SRRM4: variants seen among roughly 807,000 people sequenced by gnomAD.
SRRM4 encodes the protein serine/arginine repetitive matrix protein 4.
Under a neutral mutation model 68.9 loss-of-function variants are expected in SRRM4, and 33 were observed. The ratio of observed to expected loss-of-function variants is 0.48; its 90% CI spans 0.36 to 0.64. The LOEUF (loss-of-function observed/expected upper bound fraction) is 0.64. Ranked by LOEUF, SRRM4 falls within the 30% of genes least tolerant of loss-of-function variation. The pLI is 0.00. For synonymous variants in SRRM4, 318 were observed against 318.8 expected (o/e 1.00, Z 0.03); for missense variants, 817 against 827.1 (o/e 0.99, Z 0.15).
chr12:119,136,470 G>GTT (rs1555220714), intron 8 of SRRM4, among the ~76,000 whole-genome samples: 89 of 152,020 alleles, frequency 5.9e-4, no homozygotes, highest in African/African-American at 2.0e-3. Flanking sequence ...ATTGGTTTTT[G>GTT]TTTGTTTTGT....
intron 1 of SRRM4, among the ~76,000 whole-genome samples, chr12:119,070,647 A>G (rs1953872694): frequency 6.6e-6 from 1 of 152,202 alleles, no homozygotes; most frequent in Non-Finnish European, 1.5e-5. Context: ...GGTCACATAC[A>G]ATTGGTTGGT....
At chr12:119,006,232 C>T (rs1219768916) in intron 1 of SRRM4, among the ~76,000 whole-genome samples, 1 of 152,148 alleles carries the variant, frequency 6.6e-6, no homozygotes, top group Non-Finnish European at 1.5e-5. Context: ...GTCCCTTTTC[C>T]ATCTGCTCTC....
chr12:119,052,984 G>A (rs1011043318), intron 1 of SRRM4, among the ~76,000 whole-genome samples: 2 of 152,224 alleles, frequency 1.3e-5, no homozygotes, highest in Non-Finnish European at 2.9e-5. Flanking sequence ...TGGCTGCATA[G>A]AAGCAGAATG....
In SRRM4 at chr12:119,105,924, A is replaced by G. The variant is rs186019942; in HGVS notation, c.278+3542A>G. Among the ~76,000 whole-genome samples, 705 of 152,256 alleles carry G rather than the reference A, an allele frequency of 4.6e-3. 4 individuals are homozygous for G. Among genetic ancestry groups the G allele is most frequent in the Non-Finnish European group, 7.5e-3 (511 of 68,008 alleles). On this transcript the variant is annotated intron_variant, in intron 2 of 12. Coordinates refer to ENST00000267260, the MANE Select transcript of SRRM4 (RefSeq NM_194286.4). ...GCCTATGTCCTGAATGGTATTGCCT[A>G]GGTTTTTTATGGTTTTAAGTCTAAC...
intron 4 of SRRM4, among the ~76,000 whole-genome samples, chr12:119,119,747 C>T (rs568554757): frequency 3.8e-4 from 58 of 151,916 alleles, no homozygotes; most frequent in African/African-American, 1.0e-3. Flanking sequence ...ATGATGATGA[C>T]GGTGATGATG....
chr12:119,156,579 C>T lies in SRRM4; in HGVS notation c.1617C>T (p.Ser539=). The T allele has an allele frequency of 6.2e-7, 1 of 1,610,502 alleles. No individual in the cohort carries two copies. Among genetic ancestry groups the T allele is most frequent in the Non-Finnish European group, 8.5e-7 (1 of 1,179,648 alleles). The change falls in exon 13 of 13, where the codon AGC becomes AGT. Residue 539 remains serine (S), a synonymous_variant. Coordinates refer to ENST00000267260, the MANE Select transcript of SRRM4 (RefSeq NM_194286.4). ...SLSSTSSWYS[S]SSSRSASRSY... ...GCAGCACCTCCTCCTGGTACAGCAG[C>T]AGCAGTAGCCGCTCGGCCAGCCGCA...
intron 10 of SRRM4, among the ~76,000 whole-genome samples, 166 bp from the exon 11 acceptor site, chr12:119,153,373 C>CT: frequency 6.6e-6 from 1 of 151,860 alleles, no homozygotes; most frequent in Admixed American, 6.6e-5. Flanking sequence ...TATTAACCAC[C>CT]GGTGGGGAGG....
chr12:119,020,740 T>G (rs575085047), intron 1 of SRRM4, among the ~76,000 whole-genome samples: 17 of 152,240 alleles, frequency 1.1e-4, no homozygotes, highest in African/African-American at 4.1e-4. Flanking sequence ...CTTTCCGTGG[T>G]AATTACAAGA....
chr12:119,156,752 G>A lies in SRRM4; in HGVS notation c.1790G>A (p.Ser597Asn). The change falls in exon 13 of 13, where the codon AGC becomes AAC. Residue 597 changes from serine (S) to asparagine (N), a missense_variant. Ser to Asn is a conservative substitution (Grantham distance 46, BLOSUM62 1). Transcript: ENST00000267260. ...SRSRSRSRSQ[S>N]RSYSSADSYS... The stretch of plus-strand genomic sequence containing the variant: ...AGCCGGAGCCGGAGCAGGAGCCAGA[G>A]CCGGAGCTACAGCTCAGCAGACAGC... The A allele has an allele frequency of 1.3e-6, 2 of 1,545,794 alleles. No homozygotes were observed. Among genetic ancestry groups the A allele is most frequent in the East Asian group, 4.9e-5 (2 of 40,866 alleles).
At chr12:119,096,315 G>A (rs1287893471) in intron 1 of SRRM4, among the ~76,000 whole-genome samples, 1 of 151,562 alleles carries the variant, frequency 6.6e-6, no homozygotes, top group Admixed American at 6.6e-5. Flanking sequence ...TTACAGGTGT[G>A]AGCCACCACG....
intron 1 of SRRM4, among the ~76,000 whole-genome samples, chr12:119,044,478 G>A (rs1039452493): frequency 1.3e-5 from 2 of 152,120 alleles, no homozygotes; most frequent in Admixed American, 6.5e-5. Context: ...GGAGAATGGA[G>A]TCAGAAGCAG....
intron 1 of SRRM4, among the ~76,000 whole-genome samples, chr12:119,008,879 G>A (rs953777293): frequency 6.6e-6 from 1 of 151,912 alleles, no homozygotes; most frequent in African/African-American, 2.4e-5. Context: ...CTTGTTCCTA[G>A]GGCATCTGCT....
chr12:119,080,690 A>G (rs1371520684), intron 1 of SRRM4, among the ~76,000 whole-genome samples: 2 of 152,204 alleles, frequency 1.3e-5, no homozygotes, highest in Non-Finnish European at 2.9e-5. Context: ...CAGGACCTGA[A>G]CCAAAGTCAT....
chr12:118,985,728 T>C (rs1953278121), intron 1 of SRRM4, among the ~76,000 whole-genome samples: 1 of 152,228 alleles, frequency 6.6e-6, no homozygotes, highest in Non-Finnish European at 1.5e-5. Context: ...TTTAATTGCT[T>C]AGCCTAGAGA....
intron 1 of SRRM4, among the ~76,000 whole-genome samples, chr12:119,013,498 A>T (rs1019677435): frequency 6.6e-6 from 1 of 152,190 alleles, no homozygotes; most frequent in African/African-American, 2.4e-5. Flanking sequence ...AATTTCCTTC[A>T]TCTTAACTTT....
intron 1 of SRRM4, among the ~76,000 whole-genome samples, chr12:118,993,475 T>C (rs987230279): frequency 2.6e-5 from 4 of 152,134 alleles, no homozygotes; most frequent in African/African-American, 9.7e-5. Flanking sequence ...GCCCCCAAAA[T>C]TGAAAGGGGA....
intron 1 of SRRM4, among the ~76,000 whole-genome samples, chr12:119,013,420 T>G (rs1276025533): frequency 1.3e-5 from 2 of 152,206 alleles, no homozygotes; most frequent in African/African-American, 4.8e-5. Context: ...GTAAATGAGT[T>G]TTAATCATAA....
chr12:119,144,796 A>G (rs1342685544), intron 8 of SRRM4, among the ~76,000 whole-genome samples: 1 of 152,162 alleles, frequency 6.6e-6, no homozygotes, highest in African/African-American at 2.4e-5. Context: ...AAAAACAAAA[A>G]ACAAACTCTC....
At chr12:119,133,373 A>G (rs1028349484) in intron 8 of SRRM4, among the ~76,000 whole-genome samples, 3 of 152,162 alleles carry the variant, frequency 2.0e-5, no homozygotes, top group African/African-American at 7.2e-5. Context: ...AGCAGTGGTA[A>G]TAGCAGTGGT....
Sources: allele counts gnomAD v4.1 joint callset (sites outside exome capture counted in the v4.1 genomes callset), GRCh38; gene constraint gnomAD v4.1.1; transcripts MANE v1.5; gene names NCBI Gene and HGNC (gene_info 2026-07-23, HGNC 2026-07-21).